The following ATP2B2 variants were observed in gnomAD, a reference collection of about 807,000 sequenced individuals.
ATP2B2 encodes plasma membrane calcium-transporting ATPase 2.
ATP2B2 carries 15 observed loss-of-function variants against 120.0 expected under a neutral mutation model. That is an observed-to-expected ratio of 0.12 (90% CI 0.08 to 0.19). The LOEUF is 0.19. Ranked by LOEUF, ATP2B2 falls within the 10% of genes least tolerant of loss-of-function variation. The probability of loss-of-function intolerance (pLI) is 1.00; values close to 1 mark genes in which losing one functional copy is unlikely to be tolerated. For synonymous variants in ATP2B2, 694 were observed against 700.3 expected (o/e 0.99, Z 0.14); for missense variants, 1,045 against 1,719.8 (o/e 0.61, Z 6.94).
At chr3:10,653,068 A>G (rs542845378) in intron 1 of ATP2B2, among the ~76,000 whole-genome samples, 1 of 152,358 alleles carries the variant, frequency 6.6e-6, no homozygotes, top group African/African-American at 2.4e-5. Context: ...TGTACACCTA[A>G]AAACTGCTAA....
intron 1 of ATP2B2, among the ~76,000 whole-genome samples, chr3:10,641,051 AG>A (rs376202634): frequency 3.6e-4 from 55 of 152,358 alleles, no homozygotes; most frequent in African/African-American, 1.1e-3. Context: ...GGGTACACCC[AG>A]GATGACTAGC....
chr3:10,565,525 G>A (rs1235757708), intron 2 of ATP2B2, among the ~76,000 whole-genome samples: 1 of 152,098 alleles, frequency 6.6e-6, no homozygotes, highest in Non-Finnish European at 1.5e-5. Flanking sequence ...ACAGCCTCTT[G>A]ATCACTGGGG....
intron 5 of ATP2B2, among the ~76,000 whole-genome samples, chr3:10,392,130 G>A (rs1239186820): frequency 6.6e-6 from 1 of 152,068 alleles, no homozygotes; most frequent in Non-Finnish European, 1.5e-5. Context: ...CTGACCATGA[G>A]CCCCTTGAAG....
intron 15 of ATP2B2, 44 bp from the exon 16 acceptor site, chr3:10,350,243 G>GA: frequency 6.3e-7 from 1 of 1,583,380 alleles, no homozygotes; most frequent in Non-Finnish European, 8.6e-7. Flanking sequence ...GGGTCGGGGA[G>GA]AGAAACTGAG....
chr3:10,703,711 C>G (rs1479053871), intron 1 of ATP2B2, among the ~76,000 whole-genome samples: 1 of 152,228 alleles, frequency 6.6e-6, no homozygotes, highest in East Asian at 1.9e-4. Flanking sequence ...TGTTTTCTAG[C>G]TTCTGCATTT....
intron 1 of ATP2B2, among the ~76,000 whole-genome samples, chr3:10,680,515 C>T (rs990726230): frequency 2.6e-5 from 4 of 152,066 alleles, no homozygotes; most frequent in Non-Finnish European, 4.4e-5. Flanking sequence ...GTGGAGTGAC[C>T]TTGGGCAGGC....
chr3:10,499,931 CTTTTTTTTT>C (rs57211710), intron 1 of ATP2B2, among the ~76,000 whole-genome samples: 5 of 117,606 alleles, frequency 4.3e-5, no homozygotes, highest in African/African-American at 1.4e-4. Flanking sequence ...TGGGCACATT[CTTTTTTTTT>C]TTTTTTTTTT....
chr3:10,591,715 G>C (rs1215589450), intron 2 of ATP2B2, among the ~76,000 whole-genome samples: 1 of 152,192 alleles, frequency 6.6e-6, no homozygotes, highest in Non-Finnish European at 1.5e-5. Context: ...AATTCTAACA[G>C]CCTCGATGGT....
rs2060406526 is a variant in ATP2B2 at position 10,345,578 on chromosome 3, G to T, written c.2512-3C>A. The T allele has an allele frequency of 6.2e-7, 1 of 1,613,940 alleles. No homozygotes were observed. Among genetic ancestry groups the T allele is most frequent in the Admixed American group, 1.7e-5 (1 of 60,010 alleles). On this transcript the variant is annotated splice_region_variant and splice_polypyrimidine_tract_variant and intron_variant, in intron 17 of 22. Coordinates refer to ENST00000360273, the MANE Select transcript of ATP2B2 (RefSeq NM_001001331.4). The stretch of plus-strand genomic sequence containing the variant: ...GCCACGTCAGTGCCTGCGATGCCCT[G>T]TGGGGACAGGGACAGGAGGCTGGGT...
chr3:10,474,665 G>A (rs144481927), intron 1 of ATP2B2, among the ~76,000 whole-genome samples: 11 of 152,336 alleles, frequency 7.2e-5, no homozygotes, highest in African/African-American at 1.7e-4. Context: ...CCTTCCACCC[G>A]TTCCTTGTAA....
At chr3:10,399,462 A>C (rs977368819) in intron 5 of ATP2B2, among the ~76,000 whole-genome samples, 3 of 152,122 alleles carry the variant, frequency 2.0e-5, no homozygotes, top group Non-Finnish European at 4.4e-5. Context: ...AGGTCTCTAT[A>C]CCTCACTACA....
chr3:10,457,236 G>A (rs17787095), intron 1 of ATP2B2, among the ~76,000 whole-genome samples: 1 of 151,734 alleles, frequency 6.6e-6, no homozygotes, highest in Admixed American at 6.6e-5. Flanking sequence ...AGGGTGTATG[G>A]GCGTACAAGG....
upstream of ATP2B2, among the ~76,000 whole-genome samples, chr3:10,507,059 C>T (rs562378976): frequency 7.2e-5 from 11 of 152,324 alleles, no homozygotes; most frequent in African/African-American, 2.2e-4. Flanking sequence ...GGGTGCCCAC[C>T]TGCCCCTTAG....
chr3:10,562,622 CCAAA>C (rs897582723), intron 2 of ATP2B2, among the ~76,000 whole-genome samples: 10 of 152,160 alleles, frequency 6.6e-5, no homozygotes, highest in African/African-American at 1.7e-4. Flanking sequence ...TCCACCCTGC[CCAAA>C]CAGTCTTTTT....
chr3:10,440,064 C>T (rs771530809), intron 2 of ATP2B2, among the ~76,000 whole-genome samples: 6 of 145,252 alleles, frequency 4.1e-5, no homozygotes, highest in East Asian at 2.0e-4. Context: ...ATCGTGCCAC[C>T]GCACTCCAGC....
chr3:10,364,468 TG>T (rs2060985339), intron 12 of ATP2B2, among the ~76,000 whole-genome samples: 1 of 152,086 alleles, frequency 6.6e-6, no homozygotes, highest in Non-Finnish European at 1.5e-5. Flanking sequence ...CCCAGCACTT[TG>T]GGAAGCTGAG....
intron 5 of ATP2B2, among the ~76,000 whole-genome samples, chr3:10,395,354 T>C (rs1322259235): frequency 6.6e-6 from 1 of 152,170 alleles, no homozygotes; most frequent in African/African-American, 2.4e-5. Context: ...ATTGGCAGAA[T>C]GTGAATATGG....
At chr3:10,575,652 G>A (rs981324879) in intron 2 of ATP2B2, among the ~76,000 whole-genome samples, 6 of 152,234 alleles carry the variant, frequency 3.9e-5, no homozygotes, top group Non-Finnish European at 8.8e-5. Flanking sequence ...GCTAGGTTAT[G>A]TCTGGGGTAG....
intron 1 of ATP2B2, among the ~76,000 whole-genome samples, chr3:10,622,978 T>G (rs994888523): frequency 2.6e-5 from 4 of 151,840 alleles, no homozygotes; most frequent in South Asian, 4.2e-4. Flanking sequence ...AAACAACCCC[T>G]GCAGAGGGCT....
Sources: allele counts gnomAD v4.1 joint callset (sites outside exome capture counted in the v4.1 genomes callset), GRCh38; gene constraint gnomAD v4.1.1; transcripts MANE v1.5; gene names NCBI Gene and HGNC (gene_info 2026-07-23, HGNC 2026-07-21).